FBLN2: variants seen among roughly 807,000 people sequenced by gnomAD.
FBLN2 encodes fibulin 2.
FBLN2 carries 81 observed loss-of-function variants against 123.7 expected under a neutral mutation model. The observed-to-expected ratio is 0.65, with a 90% CI of 0.55 to 0.79. The LOEUF is 0.79. Among genes scored for constraint, FBLN2 ranks in the 30% least tolerant of loss-of-function variants. FBLN2 has a pLI of 0.00. For synonymous variants in FBLN2, 699 were observed against 701.4 expected (o/e 1.00, Z 0.05); for missense variants, 1,603 against 1,681.3 (o/e 0.95, Z 0.81).
chr3:13,610,123 C>G (rs770713295), intron 4 of FBLN2, among the ~76,000 whole-genome samples: 1 of 152,142 alleles, frequency 6.6e-6, no homozygotes, highest in Non-Finnish European at 1.5e-5. Flanking sequence ...TTGTGCAATG[C>G]CCGGGGTGGG....
intron 1 of FBLN2, among the ~76,000 whole-genome samples, chr3:13,560,600 A>G (rs1387611191): frequency 2.0e-5 from 3 of 152,180 alleles, no homozygotes; most frequent in Non-Finnish European, 2.9e-5. Context: ...TCTTTTGCAC[A>G]TCGTGCTATT....
In FBLN2 at chr3:13,549,179, A is replaced by C; in HGVS notation, c.-71A>C. ...GACGCGCCGACGGCCGGGCGGACGG[A>C]CGGACGGACGCCGAGCGCAGTGCCC... On this transcript the variant is annotated 5_prime_UTR_variant, in exon 1 of 18. Transcript: ENST00000404922. 3.1e-6 allele frequency: 3 copies of C among 982,798 alleles called. No individual in the cohort carries two copies. Among genetic ancestry groups the C allele is most frequent in the Non-Finnish European group, 3.6e-6 (3 of 829,026 alleles). 60.9% of individuals were successfully genotyped at this position (982,798 alleles called of 1,614,324 possible). A position where few individuals can be genotyped will look rare whatever the true frequency, so the allele number is the denominator to read the frequency against.
chr3:13,621,568 A>C (rs1705851788), intron 8 of FBLN2, among the ~76,000 whole-genome samples: 1 of 151,198 alleles, frequency 6.6e-6, no homozygotes, highest in Non-Finnish European at 1.5e-5. Flanking sequence ...TCTGAGTCTC[A>C]CCTCACCACC....
chr3:13,611,814 A>G (rs1001942463), intron 4 of FBLN2, among the ~76,000 whole-genome samples: 4 of 152,184 alleles, frequency 2.6e-5, no homozygotes, highest in Non-Finnish European at 4.4e-5. Context: ...CTGGAGCTTC[A>G]TCTCCTGGCT....
At chr3:13,556,507 G>A (rs1574940439) in intron 1 of FBLN2, among the ~76,000 whole-genome samples, 1 of 152,314 alleles carries the variant, frequency 6.6e-6, no homozygotes, top group East Asian at 1.9e-4. Context: ...TGGGGTCAGG[G>A]CTTTCACATA....
intron 6 of FBLN2, among the ~76,000 whole-genome samples, chr3:13,618,557 CA>C (rs1705716814): frequency 6.6e-6 from 1 of 152,222 alleles, no homozygotes. Context: ...AGGCTCTCAC[CA>C]AAACCCAGCT....
chr3:13,620,012 G>A (rs542331529), intron 8 of FBLN2, among the ~76,000 whole-genome samples, 181 bp downstream of exon 8: 7 of 152,232 alleles, frequency 4.6e-5, no homozygotes, highest in East Asian at 3.9e-4. Flanking sequence ...CCGTACGTGC[G>A]GTGTATACAT....
intron 2 of FBLN2, among the ~76,000 whole-genome samples, chr3:13,595,431 C>T (rs949380565): frequency 6.6e-6 from 1 of 152,146 alleles, no homozygotes; most frequent in Non-Finnish European, 1.5e-5. Context: ...GGAAGGCAGA[C>T]CCAGGTTCAG....
chr3:13,622,889 G>A lies in FBLN2; in HGVS notation c.2296+974G>A, dbSNP rs531166700. On this transcript the variant is annotated intron_variant, in intron 9 of 17. Transcript: ENST00000404922. The stretch of plus-strand genomic sequence containing the variant: ...GAGGGCGAGGTCATTCCAGCTGGTG[G>A]CATCGGGTTAGCATTTGGAAATCAG... Among the ~76,000 whole-genome samples, 168 of 152,374 alleles carry A rather than the reference G, an allele frequency of 1.1e-3. 5 individuals carry two copies. In the South Asian group the frequency reaches 0.032, roughly 29 times the overall value.
At chr3:13,614,311 G>T (rs759870536) in intron 5 of FBLN2, 147 bp downstream of exon 5, 28 of 822,174 alleles carry the variant, frequency 3.4e-5, no homozygotes, top group Non-Finnish European at 1.8e-5. Flanking sequence ...TGATTTCATT[G>T]TTTTCTGTGG....
Position 13,619,811 on chromosome 3 carries a change from C to G in FBLN2, c.2135C>G (p.Ala712Gly). The change falls in exon 8 of 18, where the codon GCG (alanine) becomes GGG (glycine). Residue 712 changes from alanine to glycine, a missense_variant. Ala to Gly is a moderately conservative substitution (Grantham distance 60). Transcript: ENST00000404922. The part of the protein sequence containing the change: ...CSCFPGYAIM[A>G]DGVSCEDQDE... ...TGTTTTCCCGGCTATGCCATCATGG[C>G]GGATGGCGTGTCCTGTGAAGGTGAG... 1.2e-6 allele frequency: 2 copies of G among 1,612,242 alleles called. No homozygotes were observed. The highest frequency in any genetic ancestry group is 1.7e-6 in the Non-Finnish European group (2 of 1,179,058).
In FBLN2 at chr3:13,618,153, G is replaced by T; in HGVS notation, c.1807G>T (p.Asp603Tyr). 1 of 1,613,728 alleles carries T rather than the reference G, an allele frequency of 6.2e-7. No homozygotes were observed. Among genetic ancestry groups the T allele is most frequent in the Non-Finnish European group, 8.5e-7 (1 of 1,179,904 alleles). Residue 603 changes from aspartate (D) to tyrosine (Y), a missense_variant, in exon 6 of 18, where the codon GAT (aspartate) becomes TAT (tyrosine). Physicochemically the swap from Asp to Tyr is radical, Grantham distance 160. Coordinates refer to ENST00000404922, the MANE Select transcript of FBLN2 (RefSeq NM_001004019.2). ...CGAGCTGCCGAACAGCCTGCCGGGC[G>T]ATGACCAGGATGAGTGCCTTCTCCT... Reference protein sequence around the residue: ...EAELPNSLPGDDQDECLLLPG... With the variant: ...EAELPNSLPGYDQDECLLLPG...
intron 9 of FBLN2, among the ~76,000 whole-genome samples, chr3:13,622,734 G>C (rs901176715): frequency 6.6e-6 from 1 of 152,250 alleles, no homozygotes; most frequent in Admixed American, 6.5e-5. Context: ...GTACATGTCT[G>C]CAGCCTCTGA....
intron 4 of FBLN2, 46 bp downstream of exon 4, chr3:13,609,688 G>GGGGGGGGGGGGGGC: frequency 5.7e-5 from 29 of 512,564 alleles, no homozygotes; most frequent in East Asian, 2.7e-4. Flanking sequence ...GTGGGGCGGG[G>GGGGGGGGGGGGGGC]CGGGAGGCTG....
In FBLN2 at chr3:13,551,435, G is replaced by A. The variant is rs887484421; in HGVS notation, c.-42+2227G>A. Reference sequence around the variant, plus strand: ...TTCATCACTTTTCTTCCCAGATCCCGACATCCCTCCTGCAGGGTGGAACTC... The same window carrying A: ...TTCATCACTTTTCTTCCCAGATCCCAACATCCCTCCTGCAGGGTGGAACTC... On this transcript the variant is annotated intron_variant, in intron 1 of 17. Transcript: ENST00000404922. 7.2e-5 allele frequency among the ~76,000 whole-genome samples: 11 copies of A among 152,166 alleles called. No homozygotes were observed. The East Asian group carries it at 7.7e-4, about 11-fold the overall frequency.
Position 13,629,742 on chromosome 3 carries a change from G to T in FBLN2, c.2843-78G>T, listed in dbSNP as rs897352798. ...CCTCTCCCACTTAGCCTCCCCTTCG[G>T]CCCTGGATGGCCCTTGGGGGTGGAG... On this transcript the variant is annotated intron_variant, in intron 13 of 17. Transcript: ENST00000404922. 24 of 1,505,374 alleles carry T rather than the reference G, an allele frequency of 1.6e-5. 2 individuals carry two copies. In the Admixed American group the frequency reaches 5.6e-4, roughly 35 times the overall value. 93.3% of individuals were successfully genotyped at this position (1,505,374 alleles called of 1,614,324 possible).
chr3:13,630,057 A>G (rs903233209), intron 14 of FBLN2, 112 bp downstream of exon 14: 107 of 1,443,346 alleles, frequency 7.4e-5, no homozygotes, highest in Non-Finnish European at 9.9e-5. Context: ...CTTCACCCTC[A>G]CACCTTCACC....
chr3:13,608,130 T>A lies in FBLN2; in HGVS notation c.1375T>A (p.Cys459Ser). 1 of 1,598,390 alleles carries A rather than the reference T, an allele frequency of 6.3e-7. No individual in the cohort carries two copies. The highest frequency in any genetic ancestry group is 8.5e-7 in the Non-Finnish European group (1 of 1,172,768). The change falls in exon 3 of 18, where the codon TGC (cysteine) becomes AGC (serine). Residue 459 changes from cysteine to serine, a missense_variant. By Grantham distance (112) the Cys-to-Ser change is moderately radical (BLOSUM62 -1). Coordinates refer to ENST00000404922, the MANE Select transcript of FBLN2 (RefSeq NM_001004019.2). ...GCAGTGGGCCATTGACAATGACGAGTGCCTGGAGATCCCTGAGAGTGGCAC... is the reference window on the plus strand; with the variant it reads ...GCAGTGGGCCATTGACAATGACGAGAGCCTGGAGATCCCTGAGAGTGGCAC... ...GQQWAIDNDE[C>S]LEIPESGTED...
chr3:13,636,635 G>T, intron 17 of FBLN2, 67 bp downstream of exon 17: 5 of 1,547,166 alleles, frequency 3.2e-6, no homozygotes, highest in Middle Eastern at 1.7e-4. Flanking sequence ...CCAGGGAGAG[G>T]CTGAGAGATG....
Sources: gnomAD v4.1 joint callset for allele counts (sites outside exome capture counted in the v4.1 genomes callset) on GRCh38, gnomAD v4.1.1 for gene constraint, MANE v1.5 for transcripts, NCBI Gene and HGNC (gene_info 2026-07-23, HGNC 2026-07-21) for gene names.